Variants in RAPGEF5 observed in about 807,000 individuals in gnomAD.
RAPGEF5 encodes the protein Rap guanine nucleotide exchange factor 5.
Under a neutral mutation model 125.2 loss-of-function variants are expected in RAPGEF5, and 65 were observed. The observed-to-expected ratio is 0.52, with a 90% CI of 0.43 to 0.64. The LOEUF is 0.64. Ranked by LOEUF, RAPGEF5 falls within the 30% of genes least tolerant of loss-of-function variation. The probability of loss-of-function intolerance (pLI) is 0.00; values close to 1 mark genes in which losing one functional copy is unlikely to be tolerated. For synonymous variants in RAPGEF5, 391 were observed against 385.9 expected (o/e 1.01, Z -0.16); for missense variants, 958 against 1,048.1 (o/e 0.91, Z 1.19).
chr7:22,277,513 A>G (rs1042504979), intron 6 of RAPGEF5, among the ~76,000 whole-genome samples: 1 of 152,280 alleles, frequency 6.6e-6, no homozygotes, highest in South Asian at 2.1e-4. Context: ...GCTTCTCACA[A>G]GGCCTCGTGT....
intron 7 of RAPGEF5, 106 bp from the exon 8 acceptor site, chr7:22,231,025 C>A: frequency 9.4e-7 from 1 of 1,059,010 alleles, no homozygotes; most frequent in South Asian, 1.4e-5. Flanking sequence ...TAGATAGATT[C>A]ACAAAATGTA....
At chr7:22,208,862 G>A (rs768722968) in intron 9 of RAPGEF5, among the ~76,000 whole-genome samples, 4 of 152,222 alleles carry the variant, frequency 2.6e-5, no homozygotes, top group South Asian at 2.1e-4. Context: ...GATATGGAAC[G>A]TAAAGTAGAA....
At chr7:22,272,066 G>A (rs992539183) in intron 6 of RAPGEF5, among the ~76,000 whole-genome samples, 2 of 152,182 alleles carry the variant, frequency 1.3e-5, no homozygotes, top group Non-Finnish European at 2.9e-5. Context: ...AAGTTGGGCC[G>A]GGCGCGGTGG....
intron 9 of RAPGEF5, chr7:22,194,683 G>A (rs1382700486): frequency 1.0e-6 from 1 of 985,168 alleles, no homozygotes; most frequent in South Asian, 4.7e-5. Flanking sequence ...TCTCATCTAG[G>A]CTGAAATTCG....
chr7:22,270,183 T>C (rs1275447519), intron 6 of RAPGEF5, among the ~76,000 whole-genome samples: 1 of 152,108 alleles, frequency 6.6e-6, no homozygotes, highest in African/African-American at 2.4e-5. Context: ...TGGCTCCAGG[T>C]TTTTGGCACT....
intron 8 of RAPGEF5, among the ~76,000 whole-genome samples, chr7:22,225,694 T>C (rs889729759): frequency 2.6e-5 from 4 of 152,204 alleles, no homozygotes; most frequent in Non-Finnish European, 2.9e-5. Context: ...ATCTAGACTT[T>C]CACATCCCTG....
intron 5 of RAPGEF5, among the ~76,000 whole-genome samples, chr7:22,300,978 C>A (rs1298292138): frequency 6.6e-6 from 1 of 152,226 alleles, no homozygotes; most frequent in Non-Finnish European, 1.5e-5. Context: ...CTGTCTACAT[C>A]TGAGGCCTGC....
At chr7:22,190,680 G>C (rs1400070472) in intron 11 of RAPGEF5, among the ~76,000 whole-genome samples, 4 of 152,170 alleles carry the variant, frequency 2.6e-5, no homozygotes, top group African/African-American at 9.7e-5. Context: ...TGGGAGCACA[G>C]AGGGCCTCCT....
chr7:22,207,637 T>C (rs1222405800), intron 9 of RAPGEF5, among the ~76,000 whole-genome samples: 3 of 152,252 alleles, frequency 2.0e-5, no homozygotes, highest in Admixed American at 2.0e-4. Context: ...AGCAAGTTGC[T>C]TGCTACTTTA....
At chr7:22,190,537 A>G (rs923743830) in intron 11 of RAPGEF5, among the ~76,000 whole-genome samples, 1 of 152,160 alleles carries the variant, frequency 6.6e-6, no homozygotes, top group Admixed American at 6.5e-5. Context: ...TTCCTATTCT[A>G]TTCTTGAGTC....
At chr7:22,261,294 CAATT>C (rs1322229310) in intron 7 of RAPGEF5, among the ~76,000 whole-genome samples, 1 of 151,592 alleles carries the variant, frequency 6.6e-6, no homozygotes, top group East Asian at 1.9e-4. Flanking sequence ...CTAGTATATA[CAATT>C]AATAAAAATG....
chr7:22,224,791 T>C (rs1370610362), intron 8 of RAPGEF5, among the ~76,000 whole-genome samples: 2 of 151,888 alleles, frequency 1.3e-5, no homozygotes, highest in African/African-American at 4.8e-5. Context: ...TTGGAGACAG[T>C]CTGTCCTTCT....
intron 6 of RAPGEF5, among the ~76,000 whole-genome samples, chr7:22,285,204 T>A (rs895278810): frequency 6.6e-6 from 1 of 152,260 alleles, no homozygotes; most frequent in East Asian, 1.9e-4. Context: ...ATTGCTAGCC[T>A]AGGAAAAAAT....
chr7:22,345,696 C>CTTTT (rs60654602), intron 1 of RAPGEF5, among the ~76,000 whole-genome samples: 4 of 106,652 alleles, frequency 3.8e-5, no homozygotes, highest in African/African-American at 1.1e-4. Context: ...GTCTAGGCAG[C>CTTTT]TTTTTTTTTT....
At chr7:22,237,642 G>A (rs1233283928) in intron 7 of RAPGEF5, among the ~76,000 whole-genome samples, 1 of 151,952 alleles carries the variant, frequency 6.6e-6, no homozygotes, top group Non-Finnish European at 1.5e-5. Context: ...GTTTTAGTTG[G>A]TCAGGGAAAT....
At chr7:22,237,540 G>C (rs1786224966) in intron 7 of RAPGEF5, among the ~76,000 whole-genome samples, 1 of 150,308 alleles carries the variant, frequency 6.7e-6, no homozygotes, top group African/African-American at 2.4e-5. Flanking sequence ...TGACAGGCCA[G>C]ACCCTTCATT....
At chr7:22,259,966 C>A (rs925592284) in intron 7 of RAPGEF5, among the ~76,000 whole-genome samples, 4 of 152,180 alleles carry the variant, frequency 2.6e-5, no homozygotes, top group Admixed American at 2.6e-4. Flanking sequence ...TGCCTGTAAT[C>A]CCAGCTACTT....
At position 22,167,094 on chromosome 7, in the gene RAPGEF5, T is replaced by C; in HGVS notation, c.1259A>G (p.Asp420Gly). ...LTYTVFMTTD[D>G]LCQALLRHYS... The stretch of plus-strand genomic sequence containing the variant: ...TTGCCTTAACAGAGCCTGGCACAAG[T>C]CATCAGTTGTCATGAAGACAGTGTA... The change falls in exon 12 of 26, where the codon GAC becomes GGC. Residue 420 changes from aspartate (D) to glycine (G), a missense_variant. Physicochemically the swap from Asp to Gly is moderately conservative, Grantham distance 94. Transcript: ENST00000665637. The C allele has an allele frequency of 2.5e-6, 4 of 1,612,818 alleles. No individual in the cohort carries two copies. The highest frequency in any genetic ancestry group is 2.5e-6 in the Non-Finnish European group (3 of 1,179,354).
intron 6 of RAPGEF5, among the ~76,000 whole-genome samples, chr7:22,282,280 C>T (rs1782691399): frequency 6.6e-6 from 1 of 152,094 alleles, no homozygotes; most frequent in Non-Finnish European, 1.5e-5. Context: ...TCTGAATTCA[C>T]ACAATGGAAT....
Sources: gnomAD v4.1 joint callset for allele counts (sites outside exome capture counted in the v4.1 genomes callset) on GRCh38, gnomAD v4.1.1 for gene constraint, MANE v1.5 for transcripts, NCBI Gene and HGNC (gene_info 2026-07-23, HGNC 2026-07-21) for gene names.